The following MAPK14 variants were observed in gnomAD, a reference collection of about 807,000 sequenced individuals.
The protein encoded by MAPK14 is CSAID-binding protein.
In MAPK14, 16 loss-of-function variants were observed where a neutral mutation model predicts 49.6. The observed-to-expected ratio is 0.32, with a 90% confidence interval of 0.22 to 0.49. The LOEUF (loss-of-function observed/expected upper bound fraction) is 0.49, where lower values mean the gene tolerates loss of function less well. Ranked by LOEUF, MAPK14 falls within the 20% of genes least tolerant of loss-of-function variation. The probability of loss-of-function intolerance (pLI) is 0.99; values close to 1 mark genes in which losing one functional copy is unlikely to be tolerated. For missense variants in MAPK14, 200 were observed against 441.2 expected, an observed-to-expected ratio of 0.45 and a Z score of 4.90; for synonymous variants, 142 against 158.0, an observed-to-expected ratio of 0.90 and a Z score of 0.76.
intron 1 of MAPK14, among the ~76,000 whole-genome samples, chr6:36,037,517 A>G (rs1037181716): frequency 6.6e-6 from 1 of 152,164 alleles, no homozygotes. Flanking sequence ...ACAAAGTTAC[A>G]AAAGAGTGTT....
intron 8 of MAPK14, among the ~76,000 whole-genome samples, chr6:36,089,384 G>A (rs1037527510): frequency 6.6e-6 from 1 of 152,140 alleles, no homozygotes; most frequent in Admixed American, 6.5e-5. Flanking sequence ...CTGTTGGTGG[G>A]GTGGGGGTCA....
intron 8 of MAPK14, among the ~76,000 whole-genome samples, chr6:36,089,913 C>G (rs912843711): frequency 2.0e-5 from 3 of 152,218 alleles, no homozygotes; most frequent in Admixed American, 2.0e-4. Context: ...TGTTATGCAT[C>G]AAATACCGTT....
rs1412526605 is a variant in MAPK14 at position 36,107,416 on chromosome 6, G to A, written c.842-39G>A. 2 of 1,439,044 alleles carry A rather than the reference G, an allele frequency of 1.4e-6. No homozygotes were observed. The highest frequency in any genetic ancestry group is 2.4e-5 in the East Asian group (1 of 41,678). 89.1% of individuals were successfully genotyped at this position (1,439,044 alleles called of 1,614,324 possible). A position where few individuals can be genotyped will look rare whatever the true frequency, so the allele number is the denominator to read the frequency against. ...AATAAGGCATACTTTTTTGTAACAT[G>A]TTAAAAACTCTTTTCCTTCCTGTCT... On this transcript the variant is annotated intron_variant, in intron 10 of 11. Coordinates refer to ENST00000229794, the MANE Select transcript of MAPK14 (RefSeq NM_139012.3). This position sits in a 1 kb window ranked among gnomAD's most constrained non-coding sequence, Gnocchi z 4.3.
chr6:36,091,844 CT>C (rs1185804651), intron 8 of MAPK14: 2,247 of 124,840 alleles, frequency 0.018, 13 homozygotes, highest in South Asian at 0.038. Context: ...CTTTTCTTTT[CT>C]TTTTTTTTTT....
At chr6:36,084,313 C>T (rs1223748864) in intron 8 of MAPK14, among the ~76,000 whole-genome samples, 2 of 152,206 alleles carry the variant, frequency 1.3e-5, no homozygotes, top group African/African-American at 4.8e-5. Flanking sequence ...CACAGCACCT[C>T]TCTGGCAAGG....
chr6:36,072,646 T>C (rs1764349941), intron 3 of MAPK14, among the ~76,000 whole-genome samples: 1 of 151,722 alleles, frequency 6.6e-6, no homozygotes, highest in African/African-American at 2.4e-5. Flanking sequence ...GCACCTGGAG[T>C]CCCAGCAACT....
intron 9 of MAPK14, among the ~76,000 whole-genome samples, chr6:36,101,625 T>TA (rs1038076752): frequency 2.0e-4 from 31 of 151,978 alleles, no homozygotes; most frequent in African/African-American, 6.8e-4. Context: ...GCGATCCTGT[T>TA]ACCTCAGTCT....
rs148850655 is a variant in MAPK14 at position 36,028,507 on chromosome 6, G to C, written c.116+234G>C. Reference sequence around the variant, plus strand: ...TCAGGTCCGCTGCGAGAGGTAGGTGGTGGTGCTGGAGCTCGGTTCTGGCTA... The same window carrying C: ...TCAGGTCCGCTGCGAGAGGTAGGTGCTGGTGCTGGAGCTCGGTTCTGGCTA... On this transcript the variant is annotated intron_variant, in intron 1 of 11. Transcript: ENST00000229794. This position sits in a 1 kb window ranked among gnomAD's most constrained non-coding sequence, Gnocchi z 5.1. Among the ~76,000 whole-genome samples the C allele has an allele frequency of 6.0e-3, 918 of 152,370 alleles. 14 individuals carry two copies. Among genetic ancestry groups the C allele is most frequent in the African/African-American group, 0.02 (852 of 41,604 alleles).
At chr6:36,074,399 T>A (rs1426117561) in intron 6 of MAPK14, among the ~76,000 whole-genome samples, 1 of 152,138 alleles carries the variant, frequency 6.6e-6, no homozygotes, top group African/African-American at 2.4e-5. Context: ...CTAGATTAAA[T>A]ACATTTCTAA....
chr6:36,108,578 G>T lies in MAPK14; in HGVS notation c.*131G>T. On this transcript the variant is annotated 3_prime_UTR_variant, in exon 12 of 12. Transcript: ENST00000229794. The stretch of plus-strand genomic sequence containing the variant: ...CCATGGTGGAAGGGGGTGTGCGTGC[G>T]TGTGCGTGCGTGTTAGTGTGTGTGC... The T allele has an allele frequency of 1.5e-6, 1 of 674,932 alleles. No homozygotes were observed. The highest frequency in any genetic ancestry group is 2.7e-6 in the Non-Finnish European group (1 of 372,134). The allele number at this position is 674,932 out of a possible 1,614,324, so 41.8% of individuals were successfully genotyped here.
the MAPK14 span, among the ~76,000 whole-genome samples, chr6:36,122,392 G>A: frequency 7.9e-5 from 12 of 152,212 alleles, no homozygotes; most frequent in Admixed American, 5.2e-4. Context: ...CCCCAGGCAC[G>A]AAGGTGAGTT....
intron 1 of MAPK14, among the ~76,000 whole-genome samples, chr6:36,032,334 G>C (rs951799049): frequency 1.3e-4 from 20 of 152,170 alleles, no homozygotes; most frequent in African/African-American, 4.8e-4. Flanking sequence ...TCCGTTAAAG[G>C]GTAAAGGGAA....
intron 6 of MAPK14, among the ~76,000 whole-genome samples, chr6:36,075,470 A>T (rs1242676479): frequency 1.3e-5 from 2 of 152,026 alleles, no homozygotes; most frequent in Non-Finnish European, 2.9e-5. Flanking sequence ...TTTATTGGTA[A>T]TAGTATTTTG....
At chr6:36,095,629 A>T (rs1437929394) in intron 8 of MAPK14, among the ~76,000 whole-genome samples, 3 of 152,232 alleles carry the variant, frequency 2.0e-5, no homozygotes, top group African/African-American at 7.2e-5. Context: ...ATGGCAGATG[A>T]AGAGGGCAGT....
intron 3 of MAPK14, among the ~76,000 whole-genome samples, chr6:36,062,378 A>G (rs1185388063): frequency 2.6e-5 from 4 of 152,206 alleles, no homozygotes; most frequent in African/African-American, 7.2e-5. Context: ...AGGGTCACAC[A>G]AAGAACATAA....
the MAPK14 span, among the ~76,000 whole-genome samples, chr6:36,116,339 CT>C: frequency 2.4e-3 from 339 of 142,402 alleles, no homozygotes; most frequent in Middle Eastern, 3.6e-3. Context: ...CAATTAGAAT[CT>C]TTTTTTTTTT....
Position 36,052,131 on chromosome 6 carries a change from A to C in MAPK14, c.117-568A>C, listed in dbSNP as rs181058138. Among the ~76,000 whole-genome samples the C allele has an allele frequency of 1.0e-3, 153 of 152,260 alleles. 1 individual carries two copies. The highest frequency in any genetic ancestry group is 3.5e-3 in the African/African-American group (147 of 41,544). On this transcript the variant is annotated intron_variant, in intron 1 of 11. Transcript: ENST00000229794. Reference sequence around the variant, plus strand: ...TCTTCCCCCATTCCCTGAAGGTGCCAAGTACTTTGTAGGTGCTCAAGAAAT... The same window carrying C: ...TCTTCCCCCATTCCCTGAAGGTGCCCAGTACTTTGTAGGTGCTCAAGAAAT...
intron 1 of MAPK14, among the ~76,000 whole-genome samples, chr6:36,037,102 G>A (rs1762783459): frequency 6.6e-6 from 1 of 152,120 alleles, no homozygotes; most frequent in African/African-American, 2.4e-5. Context: ...TACTGCTAGT[G>A]CATACTTAAT....
At chr6:36,052,147 C>T (rs558978586) in intron 1 of MAPK14, among the ~76,000 whole-genome samples, 1 of 152,254 alleles carries the variant, frequency 6.6e-6, no homozygotes, top group African/African-American at 2.4e-5. Context: ...TTTGTAGGTG[C>T]TCAAGAAATA....
Sources: gnomAD v4.1 joint callset for allele counts (sites outside exome capture counted in the v4.1 genomes callset) on GRCh38, gnomAD v4.1.1 for gene constraint, Gnocchi (gnomAD v3.1) non-coding constraint, MANE v1.5 for transcripts, NCBI Gene and HGNC (gene_info 2026-07-23, HGNC 2026-07-21) for gene names.